SERPINB13: variants seen among roughly 807,000 people sequenced by gnomAD.
The protein encoded by SERPINB13 is serpin B13.
SERPINB13 carries 26 observed loss-of-function variants against 31.2 expected under a neutral mutation model. That is an observed-to-expected ratio of 0.83 (90% CI 0.61 to 1.15). The LOEUF (loss-of-function observed/expected upper bound fraction) is 1.15. Among genes scored for constraint, SERPINB13 ranks in the 50% most tolerant of loss-of-function variants. SERPINB13 has a pLI of 0.00. For missense variants in SERPINB13, 510 were observed against 469.4 expected, an observed-to-expected ratio of 1.09 and a Z score of -0.80; for synonymous variants, 191 against 172.4, an observed-to-expected ratio of 1.11 and a Z score of -0.85.
chr18:63,597,768 A>G lies in SERPINB13; in HGVS notation c.*405A>G, dbSNP rs1481884427. ...CGCAAGTAAAATAAAACAATAGTTTACTCAGCTCATGTTACTATTCCCCAA... is the reference window on the plus strand; with the variant it reads ...CGCAAGTAAAATAAAACAATAGTTTGCTCAGCTCATGTTACTATTCCCCAA... On this transcript the variant is annotated 3_prime_UTR_variant, in exon 8 of 8. Coordinates refer to ENST00000344731, the MANE Select transcript of SERPINB13 (RefSeq NM_012397.4). The G allele has an allele frequency of 6.2e-6, 1 of 161,268 alleles. No individual in the cohort carries two copies. Among genetic ancestry groups the G allele is most frequent in the Non-Finnish European group, 1.4e-5 (1 of 73,010 alleles). 10.0% of individuals were successfully genotyped at this position (161,268 alleles called of 1,614,324 possible).
intron 7 of SERPINB13, among the ~76,000 whole-genome samples, chr18:63,596,471 C>T (rs969312861): frequency 3.3e-5 from 5 of 152,006 alleles, no homozygotes; most frequent in South Asian, 2.1e-4. Context: ...TATCACAATG[C>T]CTGATAAAGA....
Position 63,592,364 on chromosome 18 carries a change from C to T in SERPINB13, c.242C>T (p.Ala81Val), listed in dbSNP as rs769342090. 4 of 1,610,458 alleles carry T rather than the reference C, an allele frequency of 2.5e-6. No individual in the cohort carries two copies. The Admixed American group carries it at 5.0e-5, about 20-fold the overall frequency. ...EEKEVIENTE[A>V]VHQQFQKFLT... The stretch of plus-strand genomic sequence containing the variant: ...ATTTTCAAGATTGAGAACACAGAAG[C>T]AGTACATCAACAATTCCAAAAGTTT... The change falls in exon 4 of 8, where the codon GCA becomes GTA. Residue 81 changes from alanine (A) to valine (V), a missense_variant. Coordinates refer to ENST00000344731, the MANE Select transcript of SERPINB13 (RefSeq NM_012397.4).
chr18:63,591,343 C>T (rs1911838017), intron 3 of SERPINB13, among the ~76,000 whole-genome samples: 1 of 152,076 alleles, frequency 6.6e-6, no homozygotes, highest in African/African-American at 2.4e-5. Flanking sequence ...GCTATTTCCT[C>T]ATTTATTTTG....
chr18:63,593,630 T>C (rs1328614991), intron 5 of SERPINB13, among the ~76,000 whole-genome samples: 1 of 152,188 alleles, frequency 6.6e-6, no homozygotes, highest in Non-Finnish European at 1.5e-5. Context: ...TGGGGAGCAA[T>C]AGCTGATACT....
In SERPINB13 at chr18:63,597,624, G is replaced by A; in HGVS notation, c.*261G>A. 1 of 389,534 alleles carries A rather than the reference G, an allele frequency of 2.6e-6. No individual in the cohort carries two copies. Among genetic ancestry groups the A allele is most frequent in the South Asian group, 4.7e-5 (1 of 21,288 alleles). 24.1% of individuals were successfully genotyped at this position (389,534 alleles called of 1,614,324 possible). A position where few individuals can be genotyped will look rare whatever the true frequency, so the allele number is the denominator to read the frequency against. ...AATCTCCCTTTGGTTTCCTTTGAAA[G>A]TAAATTGGTATCTTGTAGTTTTGTG... On this transcript the variant is annotated 3_prime_UTR_variant, in exon 8 of 8. Coordinates refer to ENST00000344731, the MANE Select transcript of SERPINB13 (RefSeq NM_012397.4).
rs777570529 is a variant in SERPINB13, at chr18:63,597,342, C to A, written c.1155C>A (p.Phe385Leu). 5.6e-6 allele frequency: 9 copies of A among 1,612,818 alleles called. No homozygotes were observed. The highest frequency in any genetic ancestry group is 7.6e-6 in the Non-Finnish European group (9 of 1,179,318). ...ATGAATCCAACAGCATCCTCTTCTT[C>A]GGCAGATTTTCTTCTCCTTAAGATG... ...RHNESNSILF[F>L]GRFSSP Residue 385 changes from phenylalanine to leucine, a missense_variant, in exon 8 of 8, where the codon TTC becomes TTA. By Grantham distance (22) the Phe-to-Leu change is conservative (BLOSUM62 0). Coordinates refer to ENST00000344731, the MANE Select transcript of SERPINB13 (RefSeq NM_012397.4).
chr18:63,596,605 A>T (rs1485690265), intron 7 of SERPINB13, among the ~76,000 whole-genome samples: 1 of 152,246 alleles, frequency 6.6e-6, no homozygotes, highest in Non-Finnish European at 1.5e-5. Context: ...TTTACTTTTT[A>T]TCAAATAAAA....
intron 1 of SERPINB13, among the ~76,000 whole-genome samples, chr18:63,587,759 A>T (rs974452885): frequency 1.3e-5 from 2 of 152,258 alleles, no homozygotes; most frequent in Admixed American, 1.3e-4. Context: ...TGGGCTTTAA[A>T]AAACTTTATT....
At chr18:63,591,433 C>CTCCT (rs1468300313) in intron 3 of SERPINB13, among the ~76,000 whole-genome samples, 1 of 113,464 alleles carries the variant, frequency 8.8e-6, no homozygotes, top group African/African-American at 2.8e-5. Context: ...CCTTCCTTCC[C>CTCCT]TCCTTCCTTC....
At chr18:63,588,924 G>A (rs1408278679) in intron 2 of SERPINB13, 92 bp downstream of exon 2, 10 of 1,330,258 alleles carry the variant, frequency 7.5e-6, no homozygotes, top group South Asian at 1.4e-5. Context: ...TTAAAAATAC[G>A]CTCTTCTTGA....
chr18:63,596,734 TA>T (rs1912189413), intron 7 of SERPINB13, among the ~76,000 whole-genome samples: 1 of 152,210 alleles, frequency 6.6e-6, no homozygotes, highest in South Asian at 2.1e-4. Context: ...TTTTAATCTT[TA>T]AAAATGTATT....
At chr18:63,589,871 A>C in intron 3 of SERPINB13, 156 bp downstream of exon 3, 4 of 1,404,964 alleles carry the variant, frequency 2.8e-6, no homozygotes, top group Non-Finnish European at 3.8e-6. Context: ...ATCACCATAG[A>C]CAAATATTGT....
intron 7 of SERPINB13, among the ~76,000 whole-genome samples, chr18:63,596,311 C>T (rs1365792852): frequency 6.6e-6 from 1 of 152,060 alleles, no homozygotes; most frequent in African/African-American, 2.4e-5. Context: ...TTCAAAAACC[C>T]CAGTTGTGGG....
chr18:63,592,872 G>C lies in SERPINB13; in HGVS notation c.373G>C (p.Glu125Gln). The stretch of plus-strand genomic sequence containing the variant: ...CCTAAAGAAATACTTAGATTATGTT[G>C]AAAAATATTATCATGCATCTCTGGA... ...LFLQKYLDYV[E>Q]KYYHASLEPV... The change falls in exon 5 of 8, where the codon GAA becomes CAA. Residue 125 changes from glutamate (E) to glutamine (Q), a missense_variant. Physicochemically the swap from Glu to Gln is conservative, Grantham distance 29. Coordinates refer to ENST00000344731, the MANE Select transcript of SERPINB13 (RefSeq NM_012397.4). 1 of 1,598,472 alleles carries C rather than the reference G, an allele frequency of 6.3e-7. No homozygotes were observed. The highest frequency in any genetic ancestry group is 8.5e-7 in the Non-Finnish European group (1 of 1,172,024).
chr18:63,594,500 A>G lies in SERPINB13; in HGVS notation c.615+3A>G. 6.2e-7 allele frequency: 1 copy of G among 1,613,422 alleles called. No homozygotes were observed. The highest frequency in any genetic ancestry group is 1.3e-5 in the African/African-American group (1 of 74,988). On this transcript the variant is annotated splice_donor_region_variant and intron_variant, in intron 6 of 7. Transcript: ENST00000344731. The stretch of plus-strand genomic sequence containing the variant: ...AAGAGAAATTTTGGATGAATAAGGT[A>G]TGGCCCTTAGTTTATTTTCGTGATG...
chr18:63,595,902 TTAAA>T (rs57781505), intron 7 of SERPINB13, among the ~76,000 whole-genome samples: 24,952 of 142,720 alleles, frequency 0.17, 2,547 homozygotes, highest in East Asian at 0.45. Context: ...TGTCTCAAAA[TTAAA>T]TAAATAAATA....
chr18:63,597,580 C>A lies in SERPINB13; in HGVS notation c.*217C>A. The A allele has an allele frequency of 2.0e-6, 1 of 506,792 alleles. No homozygotes were observed. Among genetic ancestry groups the A allele is most frequent in the African/African-American group, 1.9e-5 (1 of 52,730 alleles). 31.4% of individuals were successfully genotyped at this position (506,792 alleles called of 1,614,324 possible). A position where few individuals can be genotyped will look rare whatever the true frequency, so the allele number is the denominator to read the frequency against. On this transcript the variant is annotated 3_prime_UTR_variant, in exon 8 of 8. Coordinates refer to ENST00000344731, the MANE Select transcript of SERPINB13 (RefSeq NM_012397.4). The stretch of plus-strand genomic sequence containing the variant: ...TCTTTGTGCCATGCGTAAGGTGAGT[C>A]AAACCAAACCTCATTGATAATCTCC...
rs946473683 is a variant in SERPINB13, at chr18:63,597,014, T to C, written c.827T>C (p.Met276Thr). 6 of 1,614,134 alleles carry C rather than the reference T, an allele frequency of 3.7e-6. No homozygotes were observed. Among genetic ancestry groups the C allele is most frequent in the Admixed American group, 1.7e-5 (1 of 60,028 alleles). Reference protein sequence around the residue: ...KLVEWTSPGHMEERKVNLHLP... With the variant: ...KLVEWTSPGHTEERKVNLHLP... ...GTAGAGTGGACTAGTCCAGGGCATA[T>C]GGAAGAAAGAAAGGTGAATCTGCAC... The change falls in exon 8 of 8, where the codon ATG becomes ACG. Residue 276 changes from methionine (M) to threonine (T), a missense_variant. By Grantham distance (81) the Met-to-Thr change is moderately conservative (BLOSUM62 -1). Transcript: ENST00000344731.
intron 3 of SERPINB13, 73 bp from the exon 4 acceptor site, chr18:63,592,275 G>A (rs559050399): frequency 4.6e-5 from 70 of 1,511,248 alleles, no homozygotes; most frequent in African/African-American, 7.0e-5. Flanking sequence ...CCCAGCAGCC[G>A]CATCCTCTTA....
Sources: allele counts gnomAD v4.1 joint callset (sites outside exome capture counted in the v4.1 genomes callset), GRCh38; gene constraint gnomAD v4.1.1; transcripts MANE v1.5; gene names NCBI Gene and HGNC (gene_info 2026-07-23, HGNC 2026-07-21).